The following CLNK variants were observed in gnomAD, a reference collection of about 807,000 sequenced individuals.
CLNK encodes the protein cytokine dependent hematopoietic cell linker, also known as cytokine-dependent hematopoietic cell linker.
CLNK carries 74 observed loss-of-function variants against 68.6 expected under a neutral mutation model. The observed-to-expected ratio is 1.08, with a 90% CI of 0.89 to 1.31. The LOEUF is 1.31. Among genes scored for constraint, CLNK ranks in the 50% most tolerant of loss-of-function variants. CLNK has a pLI of 0.00. For synonymous variants in CLNK, 198 were observed against 172.2 expected, an observed-to-expected ratio of 1.15 and a Z score of -1.17; for missense variants, 553 against 515.3, an observed-to-expected ratio of 1.07 and a Z score of -0.71.
At chr4:10,627,318 C>T (rs1577179900) in intron 2 of CLNK, among the ~76,000 whole-genome samples, 1 of 152,144 alleles carries the variant, frequency 6.6e-6, no homozygotes, top group Non-Finnish European at 1.5e-5. Flanking sequence ...GGCCCTGCAC[C>T]AGGACTTTAG....
chr4:10,571,525 G>A (rs572940125), intron 5 of CLNK, among the ~76,000 whole-genome samples: 4 of 151,742 alleles, frequency 2.6e-5, no homozygotes, highest in Non-Finnish European at 5.9e-5. Flanking sequence ...TAGTAGAAAC[G>A]GGGTTTCCTC....
At chr4:10,616,764 T>A (rs928086426) in intron 2 of CLNK, among the ~76,000 whole-genome samples, 1 of 145,012 alleles carries the variant, frequency 6.9e-6, no homozygotes, top group African/African-American at 2.5e-5. Context: ...TATAATAAAG[T>A]TGTGTGTGTA....
chr4:10,653,395 A>C (rs535976552), intron 2 of CLNK, among the ~76,000 whole-genome samples: 1 of 151,520 alleles, frequency 6.6e-6, no homozygotes, highest in Non-Finnish European at 1.5e-5. Flanking sequence ...CTCAAAAAAA[A>C]CTCACAAAAT....
chr4:10,628,138 T>C (rs1722747780), intron 2 of CLNK, among the ~76,000 whole-genome samples: 1 of 152,230 alleles, frequency 6.6e-6, no homozygotes, highest in Non-Finnish European at 1.5e-5. Flanking sequence ...TACCTGTTTA[T>C]ATTACTCTAA....
chr4:10,579,817 A>G (rs1311854258), intron 4 of CLNK, among the ~76,000 whole-genome samples: 1 of 151,508 alleles, frequency 6.6e-6, no homozygotes, highest in East Asian at 1.9e-4. Context: ...GTAGAACACC[A>G]TGGTGCCTTG....
At chr4:10,510,367 C>T (rs144578827) in intron 16 of CLNK, among the ~76,000 whole-genome samples, 1 of 152,168 alleles carries the variant, frequency 6.6e-6, no homozygotes, top group South Asian at 2.1e-4. Context: ...GAAGAGCAGT[C>T]CTTATGCTGA....
At chr4:10,590,099 C>G (rs1297704308) in intron 3 of CLNK, among the ~76,000 whole-genome samples, 1 of 152,122 alleles carries the variant, frequency 6.6e-6, no homozygotes, top group Non-Finnish European at 1.5e-5. Context: ...AACACTGTGG[C>G]AAGAAAGTGC....
At chr4:10,578,657 G>C (rs1452189069) in intron 4 of CLNK, among the ~76,000 whole-genome samples, 1 of 131,790 alleles carries the variant, frequency 7.6e-6, no homozygotes, top group Non-Finnish European at 1.5e-5. Context: ...CACAATCTTG[G>C]TTCACTGCAA....
intron 2 of CLNK, among the ~76,000 whole-genome samples, chr4:10,624,571 C>A (rs1309148416): frequency 6.7e-6 from 1 of 148,152 alleles, no homozygotes; most frequent in Non-Finnish European, 1.5e-5. Flanking sequence ...GGATTACAGG[C>A]GTGAGCCACC....
rs11396379 is a variant in CLNK, at chr4:10,637,438, G to GTTTTT, written c.11+30416_11+30420dup. Among the ~76,000 whole-genome samples the GTTTTT allele has an allele frequency of 8.6e-3, 1,067 of 124,116 alleles. 30 individuals carry two copies. The highest frequency in any genetic ancestry group is 0.024 in the South Asian group (88 of 3,698). 81.4% of individuals were successfully genotyped at this position (124,116 alleles called of 152,430 possible). A position where few individuals can be genotyped will look rare whatever the true frequency, so the allele number is the denominator to read the frequency against. On this transcript the variant is annotated intron_variant, in intron 2 of 18. Transcript: ENST00000226951. ...TATGTGATAAGCAACAATAAAAAAA[G>GTTTTT]TTTTTTTTTTTTTTTTGGCAGGGTT...
chr4:10,732,488 C>T, the CLNK span, among the ~76,000 whole-genome samples: 338 of 152,192 alleles, frequency 2.2e-3, 1 homozygote, highest in Non-Finnish European at 3.8e-3. Context: ...TGTGGTGAGA[C>T]GAGGGGGTTT....
intron 1 of CLNK, among the ~76,000 whole-genome samples, chr4:10,669,802 G>A (rs1391170492): frequency 6.6e-6 from 1 of 152,162 alleles, no homozygotes; most frequent in Non-Finnish European, 1.5e-5. Context: ...TGACAGCAGG[G>A]AAAGGGGAGG....
At chr4:10,641,002 C>G (rs1016017864) in intron 2 of CLNK, among the ~76,000 whole-genome samples, 1 of 152,118 alleles carries the variant, frequency 6.6e-6, no homozygotes, top group Non-Finnish European at 1.5e-5. Context: ...AACCGCTGAG[C>G]ATGTCAGGGC....
intron 13 of CLNK, 49 bp from the exon 14 acceptor site, chr4:10,525,971 T>A (rs1260567235): frequency 2.6e-5 from 29 of 1,108,250 alleles, no homozygotes; most frequent in Admixed American, 2.0e-4. Flanking sequence ...AGAAAAATAA[T>A]TGAGAACCAT....
chr4:10,515,696 C>G (rs1263116037), intron 15 of CLNK, among the ~76,000 whole-genome samples: 2 of 152,196 alleles, frequency 1.3e-5, no homozygotes, highest in African/African-American at 2.4e-5. Flanking sequence ...TGTAACATAA[C>G]AGAAACCCAA....
At chr4:10,646,416 C>A (rs1318812855) in intron 2 of CLNK, among the ~76,000 whole-genome samples, 1 of 152,168 alleles carries the variant, frequency 6.6e-6, no homozygotes, top group Non-Finnish European at 1.5e-5. Flanking sequence ...ACTTATGTGT[C>A]AGCTCAGGAA....
intron 2 of CLNK, among the ~76,000 whole-genome samples, chr4:10,603,355 T>C (rs942908998): frequency 6.6e-6 from 1 of 152,190 alleles, no homozygotes; most frequent in Non-Finnish European, 1.5e-5. Context: ...TTATATAAGA[T>C]TTTCACCTAA....
chr4:10,573,054 C>T (rs1213315403), intron 4 of CLNK, among the ~76,000 whole-genome samples: 1 of 152,116 alleles, frequency 6.6e-6, no homozygotes, highest in Admixed American at 6.5e-5. Flanking sequence ...TTCTCGAACT[C>T]CTGACCTCAA....
intron 16 of CLNK, among the ~76,000 whole-genome samples, chr4:10,508,548 C>T (rs1717414362): frequency 6.6e-6 from 1 of 152,160 alleles, no homozygotes; most frequent in African/African-American, 2.4e-5. Flanking sequence ...TTATTTATAT[C>T]AATGTTAAAT....
Sources: allele counts gnomAD v4.1 joint callset (sites outside exome capture counted in the v4.1 genomes callset), GRCh38; gene constraint gnomAD v4.1.1; transcripts MANE v1.5; gene names NCBI Gene and HGNC (gene_info 2026-07-23, HGNC 2026-07-21).